DLD: variants seen among roughly 807,000 people sequenced by gnomAD.
The protein encoded by DLD is dihydrolipoamide dehydrogenase.
Under a neutral mutation model 62.2 loss-of-function variants are expected in DLD, and 36 were observed. That is an observed-to-expected ratio of 0.58 (90% CI 0.44 to 0.76). DLD has a LOEUF of 0.76. Among genes scored for constraint, DLD ranks in the 30% least tolerant of loss-of-function variants. DLD has a pLI of 0.00. For missense variants in DLD, 541 were observed against 608.6 expected, an observed-to-expected ratio of 0.89 and a Z score of 1.17; for synonymous variants, 204 against 199.6, an observed-to-expected ratio of 1.02 and a Z score of -0.19.
intron 1 of DLD, chr7:107,891,504 G>A: frequency 1.6e-6 from 1 of 624,434 alleles, no homozygotes; most frequent in Non-Finnish European, 2.8e-6. Context: ...GGCCCAGGCT[G>A]TGGCGAGTCC....
At chr7:107,907,092 G>A (rs1015071377) in intron 8 of DLD, among the ~76,000 whole-genome samples, 1 of 151,870 alleles carries the variant, frequency 6.6e-6, no homozygotes, top group African/African-American at 2.4e-5. Context: ...TCTTGACTGC[G>A]TTCCTGATCA....
intron 2 of DLD, among the ~76,000 whole-genome samples, chr7:107,898,520 A>T (rs2031792870): frequency 3.3e-5 from 5 of 151,694 alleles, no homozygotes; most frequent in Admixed American, 3.3e-4. Context: ...ACCTCAGGTG[A>T]TCCACCTGCC....
intron 8 of DLD, among the ~76,000 whole-genome samples, chr7:107,911,882 G>A (rs2032152552): frequency 6.6e-6 from 1 of 151,826 alleles, no homozygotes; most frequent in Non-Finnish European, 1.5e-5. Context: ...GTAATTGATT[G>A]TTACCTATAG....
At chr7:107,916,500 C>T (rs1002214358) in intron 9 of DLD, among the ~76,000 whole-genome samples, 11 of 151,974 alleles carry the variant, frequency 7.2e-5, no homozygotes, top group Admixed American at 2.0e-4. Context: ...GGTGAAACCC[C>T]GTCTCTACTA....
Position 107,893,231 on chromosome 7 carries a change from T to C in DLD, c.71T>C (p.Leu24Pro). 1.2e-6 allele frequency: 2 copies of C among 1,613,672 alleles called. No individual in the cohort carries two copies. The highest frequency in any genetic ancestry group is 2.2e-5 in the South Asian group (2 of 90,972). ...RGHFNRISHG[L>P]QGLSAVPLRT... ...CATTTCAATCGAATATCTCATGGCCTACAGGGACTTTCTGCAGTGCCTCTG... is the reference window on the plus strand; with the variant it reads ...CATTTCAATCGAATATCTCATGGCCCACAGGGACTTTCTGCAGTGCCTCTG... The change falls in exon 2 of 14, where the codon CTA (leucine) becomes CCA (proline). Residue 24 changes from leucine (L) to proline (P), a missense_variant. Physicochemically the swap from Leu to Pro is moderately conservative, Grantham distance 98. Transcript: ENST00000205402.
chr7:107,919,022 A>G lies in DLD; in HGVS notation c.1387A>G (p.Met463Val). Residue 463 changes from methionine (M) to valine (V), a missense_variant, in exon 13 of 14, where the codon ATG (methionine) becomes GTG (valine). Met to Val is a conservative substitution (Grantham distance 21, BLOSUM62 1). Coordinates refer to ENST00000205402, the MANE Select transcript of DLD (RefSeq NM_000108.5). ...TGTTATTTTAAAGGGTGCTGGAGAA[A>G]TGGTAAATGAAGCTGCTCTTGCTTT... ...AHILGPGAGEMVNEAALALEY... is the reference protein window; with the variant it reads ...AHILGPGAGEVVNEAALALEY... 6.2e-7 allele frequency: 1 copy of G among 1,613,918 alleles called. No homozygotes were observed. The highest frequency in any genetic ancestry group is 1.3e-5 in the African/African-American group (1 of 75,040).
chr7:107,903,117 G>A (rs1464705435), intron 4 of DLD, among the ~76,000 whole-genome samples: 6 of 152,010 alleles, frequency 3.9e-5, no homozygotes, highest in Admixed American at 2.6e-4. Flanking sequence ...AGAGAATATC[G>A]GCCGGGCGCG....
chr7:107,892,436 A>G (rs1024841157), intron 1 of DLD, among the ~76,000 whole-genome samples: 1 of 152,230 alleles, frequency 6.6e-6, no homozygotes, highest in Non-Finnish European at 1.5e-5. Context: ...TACGGACTGT[A>G]TATACACGCT....
At chr7:107,904,519 A>G (rs2031955387) in intron 5 of DLD, 1 of 361,036 alleles carries the variant, frequency 2.8e-6, no homozygotes, top group African/African-American at 2.1e-5. Flanking sequence ...CTAGGTGATT[A>G]AACTTTTTAA....
At chr7:107,904,318 C>G (rs967537179) in intron 5 of DLD, among the ~76,000 whole-genome samples, 3 of 152,194 alleles carry the variant, frequency 2.0e-5, no homozygotes, top group African/African-American at 7.2e-5. Context: ...GCTTTTACAT[C>G]CTAGCTCTGT....
Position 107,918,066 on chromosome 7 carries a change from G to GTA in DLD, c.1374+7_1374+8dup. Reference sequence around the variant, plus strand: ...GGAGCACATATTCTTGGACCAGTGAGTATTGTAAAACCAGAGAAATCCCAT... The same window carrying GTA: ...GGAGCACATATTCTTGGACCAGTGAGTATATTGTAAAACCAGAGAAATCCCAT... On this transcript the variant is annotated splice_donor_region_variant and intron_variant, in intron 12 of 13. Coordinates refer to ENST00000205402, the MANE Select transcript of DLD (RefSeq NM_000108.5). The GTA allele has an allele frequency of 6.2e-7, 1 of 1,613,878 alleles. No individual in the cohort carries two copies. The highest frequency in any genetic ancestry group is 8.5e-7 in the Non-Finnish European group (1 of 1,179,806).
chr7:107,893,622 A>G (rs957910837), intron 2 of DLD: 14 of 179,422 alleles, frequency 7.8e-5, no homozygotes, highest in Admixed American at 6.2e-4. Context: ...TGAGGAGATG[A>G]TGTCTGGGCA....
rs1190940073 is a variant in DLD, at chr7:107,920,120, T to G, written c.*861T>G. On this transcript the variant is annotated 3_prime_UTR_variant, in exon 14 of 14. Transcript: ENST00000205402. The stretch of plus-strand genomic sequence containing the variant: ...CATTTTAAAGGTCATCATCCTTTCA[T>G]CTATTTTAGATACACCTACTAAATG... The G allele has an allele frequency of 2.0e-5, 3 of 152,338 alleles. No individual in the cohort carries two copies. Among genetic ancestry groups the G allele is most frequent in the Non-Finnish European group, 4.4e-5 (3 of 68,022 alleles). The allele number at this position is 152,338 out of a possible 1,614,324, so 9.4% of individuals were successfully genotyped here.
At position 107,891,352 on chromosome 7, in the gene DLD, C is replaced by G. The variant is rs1051817121; in HGVS notation, c.39+63C>G. On this transcript the variant is annotated intron_variant, in intron 1 of 13. Coordinates refer to ENST00000205402, the MANE Select transcript of DLD (RefSeq NM_000108.5). ...GCACGGAAGGTCCCGCTCAGTGGGT[C>G]CGGTACGCGGCTTAACCGTGTTGGG... is the stretch of plus-strand genomic sequence containing the variant. 5.0e-6 allele frequency: 8 copies of G among 1,589,076 alleles called. No individual in the cohort carries two copies. The Admixed American group carries it at 5.0e-5, about 10-fold the overall frequency.
intron 9 of DLD, 118 bp downstream of exon 9, chr7:107,915,814 C>G: frequency 1.2e-6 from 1 of 809,142 alleles, no homozygotes; most frequent in Non-Finnish European, 2.0e-6. Flanking sequence ...CATTTTATTA[C>G]TTAATATAAC....
chr7:107,904,794 A>G, intron 5 of DLD, 164 bp from the exon 6 acceptor site: 1 of 679,156 alleles, frequency 1.5e-6, no homozygotes, highest in Non-Finnish European at 2.7e-6. Flanking sequence ...TGATACAATG[A>G]TGTTGGCCTT....
In DLD at chr7:107,898,853, G is replaced by A. The variant is rs57976703; in HGVS notation, c.119-2885G>A. On this transcript the variant is annotated intron_variant, in intron 2 of 13. Transcript: ENST00000205402. ...CCTCCCAAAGTGCTGAGGATTACAG[G>A]TGTGAGCCACCACACCCGGCCCTGA... is the stretch of plus-strand genomic sequence containing the variant. Among the ~76,000 whole-genome samples, 1,387 of 152,228 alleles carry A rather than the reference G, an allele frequency of 9.1e-3. 19 individuals are homozygous for A. Among genetic ancestry groups the A allele is most frequent in the African/African-American group, 0.032 (1,318 of 41,546 alleles).
chr7:107,901,253 A>G (rs1293408021), intron 2 of DLD, among the ~76,000 whole-genome samples: 2 of 152,162 alleles, frequency 1.3e-5, no homozygotes, highest in Admixed American at 6.5e-5. Context: ...TAATTCTAAC[A>G]TCAATCATTG....
intron 8 of DLD, among the ~76,000 whole-genome samples, chr7:107,908,185 G>C (rs28568950): frequency 0.063 from 8,702 of 138,248 alleles, 853 homozygotes; most frequent in African/African-American, 0.22. Flanking sequence ...GAGTCTTGCT[G>C]TGTCGCCCAG....
Sources: allele counts gnomAD v4.1 joint callset (sites outside exome capture counted in the v4.1 genomes callset), GRCh38; gene constraint gnomAD v4.1.1; transcripts MANE v1.5; gene names NCBI Gene and HGNC (gene_info 2026-07-23, HGNC 2026-07-21).